PMP22: variants seen among roughly 807,000 people sequenced by gnomAD.
The protein encoded by PMP22 is Charcot-Marie-Tooth neuropathy 1A (greatly reduced nerve conduction velocity, hereditary motor sensory neuropathy Ia).
In PMP22, 2 loss-of-function variants were observed where a neutral mutation model predicts 18.9. That is an observed-to-expected ratio of 0.11 (90% CI 0.04 to 0.33). PMP22 has a LOEUF of 0.33. PMP22 is among the 10% of genes least tolerant of loss of function. The pLI is 1.00. For synonymous variants in PMP22, 95 were observed against 89.2 expected (o/e 1.07, Z -0.37); for missense variants, 169 against 202.2 (o/e 0.84, Z 1.00).
chr17:15,256,952 G>A (rs946492035), intron 3 of PMP22, among the ~76,000 whole-genome samples: 1 of 152,184 alleles, frequency 6.6e-6, no homozygotes, highest in Admixed American at 6.5e-5. Context: ...TTCAAATTTA[G>A]ATTAAGCCTG....
At chr17:15,247,372 C>T (rs945435828) in intron 3 of PMP22, among the ~76,000 whole-genome samples, 2 of 151,868 alleles carry the variant, frequency 1.3e-5, no homozygotes, top group African/African-American at 4.9e-5. Context: ...GTCTCAAAAA[C>T]AACAACAACA....
At position 15,231,029 on chromosome 17, in the gene PMP22, C is replaced by G; in HGVS notation, c.371G>C (p.Trp124Ser). The G allele has an allele frequency of 6.2e-7, 1 of 1,614,116 alleles. No homozygotes were observed. The highest frequency in any genetic ancestry group is 8.5e-7 in the Non-Finnish European group (1 of 1,180,034). The change falls in exon 5 of 5, where the codon TGG (tryptophan) becomes TCG (serine). Residue 124 changes from tryptophan (W) to serine (S), a missense_variant. Trp to Ser is a radical substitution (Grantham distance 177). Transcript: ENST00000312280. ...GTAGGAGTAATCCGAGTTGAGATGC[C>G]ACTCCGGGTGCCTCACCGTGTAGAT... ...AAIYTVRHPE[W>S]HLNSDYSYGF...
rs1197601069 is a variant in PMP22, at chr17:15,249,146, C to T, written c.179-9535G>A. ...GTAAACCAATGCCCGTTTACAAGCACAAAACCCATCTCTGCTCCCTCTGCC... is the reference window on the plus strand; with the variant it reads ...GTAAACCAATGCCCGTTTACAAGCATAAAACCCATCTCTGCTCCCTCTGCC... On this transcript the variant is annotated intron_variant, in intron 3 of 4. Transcript: ENST00000312280. Among the ~76,000 whole-genome samples, 6 of 152,342 alleles carry T rather than the reference C, an allele frequency of 3.9e-5. No individual in the cohort carries two copies. In the East Asian group the frequency reaches 9.7e-4, roughly 25 times the overall value.
At chr17:15,238,056 T>G (rs1906963522) in intron 4 of PMP22, among the ~76,000 whole-genome samples, 1 of 151,996 alleles carries the variant, frequency 6.6e-6, no homozygotes, top group Admixed American at 6.5e-5. Context: ...AACTGAAAAT[T>G]GAGTAAGGGT....
At chr17:15,263,030 C>G (rs1372668228) in intron 1 of PMP22, among the ~76,000 whole-genome samples, 1 of 152,196 alleles carries the variant, frequency 6.6e-6, no homozygotes, top group African/African-American at 2.4e-5. Context: ...GGTCCTGGAG[C>G]CCCTGCCCTG....
intron 2 of PMP22, chr17:15,260,254 G>C (rs1909197645): frequency 7.1e-6 from 2 of 282,550 alleles, no homozygotes; most frequent in African/African-American, 4.4e-5. Flanking sequence ...GTCCTAAAAG[G>C]GTGTTTTATA....
At chr17:15,231,133 C>T in intron 4 of PMP22, 53 bp from the exon 5 acceptor site, 2 of 1,551,808 alleles carry the variant, frequency 1.3e-6, no homozygotes, top group Non-Finnish European at 1.8e-6. Flanking sequence ...GCAGAGCGGC[C>T]CCCTCTCCGC....
chr17:15,231,122 G>A (rs1446790120), intron 4 of PMP22, 42 bp from the exon 5 acceptor site: 24 of 1,603,392 alleles, frequency 1.5e-5, no homozygotes, highest in Non-Finnish European at 2.0e-5. Context: ...GAGAGTCCAT[G>A]GCAGAGCGGC....
intron 4 of PMP22, chr17:15,239,192 C>T (rs184306137): frequency 2.1e-4 from 130 of 605,678 alleles, no homozygotes; most frequent in Middle Eastern, 8.8e-4. Flanking sequence ...CCTGTTGATA[C>T]GCCTGGCTTG....
At chr17:15,248,822 C>A (rs557046764) in intron 3 of PMP22, among the ~76,000 whole-genome samples, 1 of 152,126 alleles carries the variant, frequency 6.6e-6, no homozygotes, top group African/African-American at 2.4e-5. Flanking sequence ...GTCTTTCAAA[C>A]GGATTTATCA....
At chr17:15,250,847 TTGTCATCTCAG>T (rs560625931) in intron 3 of PMP22, among the ~76,000 whole-genome samples, 33 of 152,336 alleles carry the variant, frequency 2.2e-4, no homozygotes, top group Middle Eastern at 6.8e-3. Flanking sequence ...ATTGTCATCA[TTGTCATCTCAG>T]TGTCATCATC....
At chr17:15,260,790 G>A in intron 1 of PMP22, 29 bp from the exon 2 acceptor site, 1 of 1,400,508 alleles carries the variant, frequency 7.1e-7, no homozygotes, top group Non-Finnish European at 9.9e-7. Flanking sequence ...GCGTGAGGCC[G>A]AACGCACTGG....
chr17:15,235,338 G>T (rs770521310), intron 4 of PMP22: 17 of 717,040 alleles, frequency 2.4e-5, no homozygotes, highest in Non-Finnish European at 3.9e-5. Context: ...TTTTATTCAG[G>T]CTCCTCTATG....
At chr17:15,253,071 T>C (rs1467253824) in intron 3 of PMP22, among the ~76,000 whole-genome samples, 1 of 152,260 alleles carries the variant, frequency 6.6e-6, no homozygotes, top group Non-Finnish European at 1.5e-5. Flanking sequence ...ATGTTTTGCC[T>C]GAATCCTTTG....
rs533741268 is a variant in PMP22 at position 15,260,747 on chromosome 17, C to T, written c.-20G>A. 3 of 1,549,540 alleles carry T rather than the reference C, an allele frequency of 1.9e-6. No homozygotes were observed. The African/African-American group carries it at 4.1e-5, about 21-fold the overall frequency. On this transcript the variant is annotated 5_prime_UTR_variant, in exon 2 of 5. Transcript: ENST00000312280. ...GAGCATTCTGGCGGCAAGTTCTGCT[C>T]AGCGGAGTTTCTGCCTGCGAGGAGA...
intron 3 of PMP22, among the ~76,000 whole-genome samples, chr17:15,251,168 T>C (rs933851418): frequency 2.0e-5 from 3 of 152,202 alleles, no homozygotes; most frequent in Non-Finnish European, 4.4e-5. Context: ...CCCATGGTTC[T>C]TCCTATAACT....
chr17:15,243,935 A>G (rs1907567905), intron 3 of PMP22, among the ~76,000 whole-genome samples: 1 of 151,992 alleles, frequency 6.6e-6, no homozygotes, highest in Admixed American at 6.6e-5. Flanking sequence ...GGAAGCATAC[A>G]TGTAAATTTG....
chr17:15,249,946 C>A (rs1908177695), intron 3 of PMP22, among the ~76,000 whole-genome samples: 1 of 152,182 alleles, frequency 6.6e-6, no homozygotes, highest in Non-Finnish European at 1.5e-5. Flanking sequence ...GACGGAGTCT[C>A]ACTCTGTCGC....
intron 3 of PMP22, among the ~76,000 whole-genome samples, chr17:15,250,502 T>C (rs1384024950): frequency 6.6e-6 from 1 of 152,146 alleles, no homozygotes; most frequent in Non-Finnish European, 1.5e-5. Flanking sequence ...TTGAAGTGAT[T>C]TGCTGACCTC....
Sources: gnomAD v4.1 joint callset for allele counts (sites outside exome capture counted in the v4.1 genomes callset) on GRCh38, gnomAD v4.1.1 for gene constraint, MANE v1.5 for transcripts, NCBI Gene and HGNC (gene_info 2026-07-23, HGNC 2026-07-21) for gene names.